The following CDH10 variants were observed in gnomAD, a reference collection of about 807,000 sequenced individuals.
CDH10 encodes the protein cadherin 10.
In CDH10, 30 loss-of-function variants were observed where a neutral mutation model predicts 73.1. The observed-to-expected ratio is 0.41, with a 90% confidence interval of 0.31 to 0.56. CDH10 has a LOEUF of 0.56. Among genes scored for constraint, CDH10 ranks in the 20% least tolerant of loss-of-function variants. The pLI is 0.27. For missense variants in CDH10, 815 were observed against 973.7 expected, an observed-to-expected ratio of 0.84 and a Z score of 2.17; for synonymous variants, 345 against 348.2, an observed-to-expected ratio of 0.99 and a Z score of 0.10.
chr5:24,487,560 G>A lies in CDH10; in HGVS notation c.*103C>T, dbSNP rs1741883941. ...TAAGAAGTAAATGAGAAAAAAAATTGTGCTGACTGGCAGGAAAATGCTCCT... is the reference window on the plus strand; with the variant it reads ...TAAGAAGTAAATGAGAAAAAAAATTATGCTGACTGGCAGGAAAATGCTCCT... On this transcript the variant is annotated 3_prime_UTR_variant, in exon 12 of 12. Transcript: ENST00000264463. The A allele has an allele frequency of 8.9e-7, 1 of 1,121,024 alleles. No individual in the cohort carries two copies. The allele number at this position is 1,121,024 out of a possible 1,614,324, so 69.4% of individuals were successfully genotyped here. A position where few individuals can be genotyped will look rare whatever the true frequency, so the allele number is the denominator to read the frequency against.
intron 2 of CDH10, among the ~76,000 whole-genome samples, chr5:24,571,245 G>A: frequency 6.6e-6 from 1 of 152,036 alleles, no homozygotes; most frequent in East Asian, 1.9e-4. Flanking sequence ...TTATGTTCAC[G>A]ATGAGCCTTG....
chr5:24,600,618 G>C (rs985702686), intron 1 of CDH10, among the ~76,000 whole-genome samples: 1 of 152,110 alleles, frequency 6.6e-6, no homozygotes, highest in Non-Finnish European at 1.5e-5. Flanking sequence ...GTGTGTGTGT[G>C]TGTGTTCTGT....
At chr5:24,557,064 C>G (rs1475697802) in intron 2 of CDH10, among the ~76,000 whole-genome samples, 4 of 151,752 alleles carry the variant, frequency 2.6e-5, no homozygotes, top group African/African-American at 9.6e-5. Flanking sequence ...CTTAAAGTCT[C>G]TAAAAAATAT....
intron 2 of CDH10, among the ~76,000 whole-genome samples, chr5:24,574,448 G>C (rs1745521536): frequency 1.3e-5 from 2 of 152,070 alleles, no homozygotes; most frequent in African/African-American, 4.8e-5. Context: ...CAAAATAGAT[G>C]AAAGTGTAGC....
chr5:24,626,606 AT>A (rs1747508640), intron 1 of CDH10, among the ~76,000 whole-genome samples: 2 of 151,936 alleles, frequency 1.3e-5, no homozygotes, highest in Admixed American at 1.3e-4. Flanking sequence ...CTAATAGTAA[AT>A]TTTTATTAAA....
At position 24,593,291 on chromosome 5, in the gene CDH10, T is replaced by C; in HGVS notation, c.200A>G (p.Tyr67Cys). ...MWNQFFLLEE[Y>C]TGSDYQYVGK... ...TACGTACTGATAATCAGATCCTGTATATTCTTCAAGTAAGAAAAATTGATT... is the reference window on the plus strand; with the variant it reads ...TACGTACTGATAATCAGATCCTGTACATTCTTCAAGTAAGAAAAATTGATT... The change falls in exon 2 of 12, where the codon TAT becomes TGT. Residue 67 changes from tyrosine (Y) to cysteine (C), a missense_variant. By Grantham distance (194) the Tyr-to-Cys change is radical (BLOSUM62 -2). Transcript: ENST00000264463. The C allele has an allele frequency of 6.2e-7, 1 of 1,608,956 alleles. No homozygotes were observed.
chr5:24,513,887 T>C (rs1743011348), intron 5 of CDH10, among the ~76,000 whole-genome samples: 1 of 152,142 alleles, frequency 6.6e-6, no homozygotes, highest in Non-Finnish European at 1.5e-5. Flanking sequence ...CTTTCATTAA[T>C]AGCTTAACTG....
chr5:24,523,999 ATTAAT>A (rs1743435707), intron 5 of CDH10, among the ~76,000 whole-genome samples: 3 of 152,130 alleles, frequency 2.0e-5, no homozygotes, highest in African/African-American at 7.2e-5. Context: ...ACATAAGTAC[ATTAAT>A]TTTTTTCTAA....
intron 1 of CDH10, among the ~76,000 whole-genome samples, chr5:24,602,375 A>G (rs1414673010): frequency 1.4e-4 from 22 of 152,154 alleles, no homozygotes; most frequent in Admixed American, 1.4e-3. Context: ...CCATTAAGCC[A>G]CAATCTGTAA....
At chr5:24,498,932 G>GT (rs1167790278) in intron 8 of CDH10, among the ~76,000 whole-genome samples, 5 of 151,664 alleles carry the variant, frequency 3.3e-5, no homozygotes, top group East Asian at 1.9e-4. Flanking sequence ...GTTTTGTTTT[G>GT]TTTTTTTGAG....
chr5:24,496,753 C>A (rs6896096), intron 9 of CDH10, among the ~76,000 whole-genome samples: 1 of 152,104 alleles, frequency 6.6e-6, no homozygotes, highest in African/African-American at 2.4e-5. Flanking sequence ...TCAGAGCTAA[C>A]AAATTAATTT....
At chr5:24,612,838 AATCT>A (rs1219702324) in intron 1 of CDH10, 1 of 152,166 alleles carries the variant, frequency 6.6e-6, no homozygotes, top group African/African-American at 2.4e-5. Context: ...GCAGTTTTTC[AATCT>A]ATCATAAAAT....
rs562272691 is a variant in CDH10, at chr5:24,559,446, T to A, written c.232-21772A>T. On this transcript the variant is annotated intron_variant, in intron 2 of 11. Coordinates refer to ENST00000264463, the MANE Select transcript of CDH10 (RefSeq NM_006727.5). ...CATAGCTACAATATTCATAAATTTA[T>A]CTTAGATTAATATCCAATCAACAAC... is the stretch of plus-strand genomic sequence containing the variant. 5.9e-5 allele frequency among the ~76,000 whole-genome samples: 9 copies of A among 152,208 alleles called. No individual in the cohort carries two copies. In the South Asian group the frequency reaches 1.7e-3, roughly 28 times the overall value.
chr5:24,636,936 A>G (rs1466632992), intron 1 of CDH10, among the ~76,000 whole-genome samples: 1 of 151,960 alleles, frequency 6.6e-6, no homozygotes, highest in Non-Finnish European at 1.5e-5. Context: ...GGGATTAACT[A>G]AAGAAATCTT....
At chr5:24,589,066 T>C (rs1045306331) in intron 2 of CDH10, among the ~76,000 whole-genome samples, 1 of 152,182 alleles carries the variant, frequency 6.6e-6, no homozygotes, top group African/African-American at 2.4e-5. Flanking sequence ...TTATTCTTAT[T>C]ATTTGCTGTC....
chr5:24,510,238 T>C (rs1398078559), intron 6 of CDH10, among the ~76,000 whole-genome samples: 3 of 152,208 alleles, frequency 2.0e-5, no homozygotes, highest in Non-Finnish European at 4.4e-5. Flanking sequence ...GATGTTTCCA[T>C]TCAATGTAAT....
In CDH10 at chr5:24,504,558, C is replaced by T. The variant is rs1295464789; in HGVS notation, c.1393+554G>A. Among the ~76,000 whole-genome samples, 5 of 103,448 alleles carry T rather than the reference C, an allele frequency of 4.8e-5. No homozygotes were observed. In the South Asian group the frequency reaches 1.1e-3, roughly 22 times the overall value. The allele number at this position is 103,448 out of a possible 152,430, so 67.9% of individuals were successfully genotyped here. ...TTTTTTTTTTTAAGATGGAATCTCGCTCTGTCGCCCGGGCTGGAGTGCAGT... is the reference window on the plus strand; with the variant it reads ...TTTTTTTTTTTAAGATGGAATCTCGTTCTGTCGCCCGGGCTGGAGTGCAGT... On this transcript the variant is annotated intron_variant, in intron 8 of 11. Transcript: ENST00000264463.
chr5:24,552,995 G>A (rs1014199182), intron 2 of CDH10, among the ~76,000 whole-genome samples: 2 of 16,164 alleles, frequency 1.2e-4, no homozygotes, highest in Non-Finnish European at 4.5e-4. Flanking sequence ...AATCTCCCAT[G>A]TTTTCCTCTT....
intron 5 of CDH10, among the ~76,000 whole-genome samples, chr5:24,519,227 A>C (rs1446935923): frequency 6.6e-6 from 1 of 152,076 alleles, no homozygotes; most frequent in Non-Finnish European, 1.5e-5. Context: ...CTCAGTCTGC[A>C]TCTTTTTTGG....
Sources: allele counts gnomAD v4.1 joint callset (sites outside exome capture counted in the v4.1 genomes callset), GRCh38; gene constraint gnomAD v4.1.1; transcripts MANE v1.5; gene names NCBI Gene and HGNC (gene_info 2026-07-23, HGNC 2026-07-21).